Variants in CRB1 observed in about 807,000 individuals in gnomAD.
CRB1 encodes the protein crumbs cell polarity complex component 1.
Under a neutral mutation model 120.0 loss-of-function variants are expected in CRB1, and 83 were observed. The ratio of observed to expected loss-of-function variants is 0.69; its 90% CI spans 0.58 to 0.83. CRB1 has a LOEUF of 0.83. CRB1 is among the 40% of genes least tolerant of loss of function. CRB1 has a pLI of 0.00. For missense variants in CRB1, 1,699 were observed against 1,687.6 expected (o/e 1.01, Z -0.12); for synonymous variants, 625 against 612.5 (o/e 1.02, Z -0.30).
At chr1:197,381,169 A>G (rs1396339500) in intron 5 of CRB1, among the ~76,000 whole-genome samples, 2 of 152,220 alleles carry the variant, frequency 1.3e-5, no homozygotes, top group African/African-American at 2.4e-5. Context: ...GCCAGCTTCT[A>G]TTAAATGGGT....
chr1:197,458,861 C>T (rs572419029), intron 11 of CRB1, among the ~76,000 whole-genome samples: 14 of 152,242 alleles, frequency 9.2e-5, no homozygotes, highest in African/African-American at 3.4e-4. Context: ...CAATTAATCC[C>T]TAATTTATGT....
chr1:197,272,217 A>T (rs1654945235), intron 1 of CRB1, among the ~76,000 whole-genome samples: 1 of 152,180 alleles, frequency 6.6e-6, no homozygotes, highest in Non-Finnish European at 1.5e-5. Context: ...TTTGATCGTT[A>T]CTGTGCAAGT....
chr1:197,245,109 G>A, the CRB1 span, among the ~76,000 whole-genome samples: 3 of 151,626 alleles, frequency 2.0e-5, no homozygotes, highest in Non-Finnish European at 4.4e-5. Context: ...TGTGCACAAC[G>A]TGCAGGCTTG....
intron 11 of CRB1, among the ~76,000 whole-genome samples, chr1:197,449,684 T>A (rs1183626653): frequency 6.6e-6 from 1 of 152,140 alleles, no homozygotes; most frequent in African/African-American, 2.4e-5. Context: ...TATTATTTTA[T>A]TTTGGCAGGC....
At chr1:197,204,669 T>A in the CRB1 span, among the ~76,000 whole-genome samples, 1 of 152,212 alleles carries the variant, frequency 6.6e-6, no homozygotes, top group Non-Finnish European at 1.5e-5. Flanking sequence ...AGATTCTGGA[T>A]ATTAGTCCTT....
rs1447630642 is a variant in CRB1, at chr1:197,421,606, C to G, written c.1778C>G (p.Ala593Gly). 1.2e-6 allele frequency: 2 copies of G among 1,614,168 alleles called. No individual in the cohort carries two copies. The highest frequency in any genetic ancestry group is 1.7e-5 in the Admixed American group (1 of 60,022). ...IDDSCKEKCI[A>G]KAPTPLESDQ... Reference sequence around the variant, plus strand: ...GACTCCTGTAAGGAGAAATGCATCGCGAAAGCTCCTACTCCACTTGAAAGT... The same window carrying G: ...GACTCCTGTAAGGAGAAATGCATCGGGAAAGCTCCTACTCCACTTGAAAGT... The change falls in exon 6 of 12, where the codon GCG becomes GGG. Residue 593 changes from alanine to glycine, a missense_variant. Coordinates refer to ENST00000367400, the MANE Select transcript of CRB1 (RefSeq NM_201253.3).
chr1:197,403,050 T>C (rs1663147173), intron 5 of CRB1, among the ~76,000 whole-genome samples: 1 of 152,230 alleles, frequency 6.6e-6, no homozygotes, highest in Admixed American at 6.5e-5. Context: ...ACACATATTG[T>C]CATGAAAATA....
chr1:197,343,766 T>C (rs1558067340), intron 2 of CRB1, among the ~76,000 whole-genome samples: 2 of 152,208 alleles, frequency 1.3e-5, no homozygotes, highest in East Asian at 1.9e-4. Flanking sequence ...AAGAGTCCTA[T>C]GAGATAATTA....
chr1:197,430,775 C>T (rs1431918049), intron 8 of CRB1, among the ~76,000 whole-genome samples: 2 of 152,030 alleles, frequency 1.3e-5, no homozygotes, highest in East Asian at 3.8e-4. Flanking sequence ...CTTCACAAGG[C>T]AAGAAACTTT....
At chr1:197,324,299 T>C (rs139906484) in intron 1 of CRB1, among the ~76,000 whole-genome samples, 44 of 152,310 alleles carry the variant, frequency 2.9e-4, no homozygotes, top group African/African-American at 1.1e-3. Context: ...TTCATTTTCT[T>C]GAACTTATTC....
intron 5 of CRB1, among the ~76,000 whole-genome samples, chr1:197,370,348 C>T (rs1456275384): frequency 1.3e-5 from 2 of 152,128 alleles, no homozygotes; most frequent in Non-Finnish European, 2.9e-5. Context: ...ATTTACAGAA[C>T]GTTCTACCCA....
chr1:197,400,945 CCT>C (rs1020196314), intron 5 of CRB1, among the ~76,000 whole-genome samples: 4 of 151,882 alleles, frequency 2.6e-5, no homozygotes, highest in African/African-American at 7.3e-5. Flanking sequence ...CCCTTCTTTT[CCT>C]CTCTGTTTTT....
intron 1 of CRB1, among the ~76,000 whole-genome samples, chr1:197,272,268 T>C (rs1471722973): frequency 6.6e-6 from 1 of 152,142 alleles, no homozygotes. Flanking sequence ...GCCTACCTAA[T>C]TATTAGTGTG....
intron 11 of CRB1, among the ~76,000 whole-genome samples, chr1:197,458,183 G>A (rs1666368151): frequency 6.6e-6 from 1 of 151,968 alleles, no homozygotes; most frequent in Admixed American, 6.6e-5. Context: ...CCTAAGCAAT[G>A]AGAGCAGAAA....
At chr1:197,462,888 C>CT (rs66833712) in intron 11 of CRB1, among the ~76,000 whole-genome samples, 143,790 of 147,672 alleles carry the variant, frequency 0.97, 70,068 homozygotes, top group East Asian at 1. Flanking sequence ...CAATGCAGAT[C>CT]TTTTTTTTTT....
At chr1:197,377,343 C>T (rs1248220878) in intron 5 of CRB1, among the ~76,000 whole-genome samples, 1 of 152,124 alleles carries the variant, frequency 6.6e-6, no homozygotes, top group Non-Finnish European at 1.5e-5. Context: ...TAACAGGAGG[C>T]CCAACCAATA....
intron 2 of CRB1, among the ~76,000 whole-genome samples, chr1:197,340,633 A>G (rs1659398169): frequency 6.6e-6 from 1 of 152,102 alleles, no homozygotes; most frequent in Non-Finnish European, 1.5e-5. Flanking sequence ...GAGAGAGATG[A>G]TGAGATCTGA....
intron 4 of CRB1, among the ~76,000 whole-genome samples, chr1:197,353,784 G>C (rs533362466): frequency 1.5e-5 from 2 of 132,322 alleles, no homozygotes; most frequent in South Asian, 4.8e-4. Context: ...CTGGGCTACA[G>C]AGTGAGACTC....
At chr1:197,425,128 A>G (rs1664517570) in intron 6 of CRB1, among the ~76,000 whole-genome samples, 1 of 152,214 alleles carries the variant, frequency 6.6e-6, no homozygotes, top group Admixed American at 6.5e-5. Context: ...GATTCTGGGC[A>G]TATCTTCAAA....
Sources: gnomAD v4.1 joint callset for allele counts (sites outside exome capture counted in the v4.1 genomes callset) on GRCh38, gnomAD v4.1.1 for gene constraint, MANE v1.5 for transcripts, NCBI Gene and HGNC (gene_info 2026-07-23, HGNC 2026-07-21) for gene names.